SORCS1: variants seen among roughly 807,000 people sequenced by gnomAD.
SORCS1 encodes the protein VPS10 domain-containing receptor SorCS1.
In SORCS1, 60 loss-of-function variants were observed where a neutral mutation model predicts 146.1. That is an observed-to-expected ratio of 0.41 (90% CI 0.33 to 0.51). The LOEUF is 0.51. SORCS1 is among the 20% of genes least tolerant of loss of function. The probability of loss-of-function intolerance (pLI) is 0.21; values close to 1 mark genes in which losing one functional copy is unlikely to be tolerated. For synonymous variants in SORCS1, 637 were observed against 584.0 expected (o/e 1.09, Z -1.31); for missense variants, 1,352 against 1,487.6 (o/e 0.91, Z 1.50).
intron 22 of SORCS1, among the ~76,000 whole-genome samples, chr10:106,610,413 A>G (rs1846898464): frequency 6.6e-6 from 1 of 152,070 alleles, no homozygotes; most frequent in Non-Finnish European, 1.5e-5. Flanking sequence ...TCAACATCGT[A>G]AGCTTATTTG....
chr10:106,818,842 T>C (rs1225141691), intron 3 of SORCS1, among the ~76,000 whole-genome samples: 3 of 152,158 alleles, frequency 2.0e-5, no homozygotes, highest in East Asian at 3.9e-4. Flanking sequence ...CCCTTCTCCT[T>C]TGACAAATAT....
At chr10:106,989,750 G>T (rs532150492) in intron 1 of SORCS1, among the ~76,000 whole-genome samples, 2 of 138,812 alleles carry the variant, frequency 1.4e-5, no homozygotes, top group South Asian at 2.2e-4. Flanking sequence ...GCAGTGGCGC[G>T]ATCTCGGTTC....
At chr10:106,989,755 C>T (rs1362446400) in intron 1 of SORCS1, among the ~76,000 whole-genome samples, 1 of 141,130 alleles carries the variant, frequency 7.1e-6, no homozygotes, top group Admixed American at 7.1e-5. Context: ...GGCGCGATCT[C>T]GGTTCACTGC....
At chr10:106,762,295 T>C (rs1859175892) in intron 4 of SORCS1, among the ~76,000 whole-genome samples, 1 of 152,120 alleles carries the variant, frequency 6.6e-6, no homozygotes, top group Non-Finnish European at 1.5e-5. Context: ...AGCTTATCTA[T>C]GTAAGCTTAT....
At position 106,728,855 on chromosome 10, in the gene SORCS1, A is replaced by T. The variant is rs114934772; in HGVS notation, c.1024+1195T>A. On this transcript the variant is annotated intron_variant, in intron 6 of 25. Transcript: ENST00000263054. ...CTGGGCCAGCGCTGGGTAGCCTACA[A>T]CAGCCTCATTGCTCTGTGGTAATTG... Among the ~76,000 whole-genome samples the T allele has an allele frequency of 7.6e-3, 1,150 of 152,298 alleles. 14 individuals carry two copies. Among genetic ancestry groups the T allele is most frequent in the African/African-American group, 0.025 (1,059 of 41,560 alleles).
At chr10:106,907,294 T>C (rs1164561388) in intron 2 of SORCS1, among the ~76,000 whole-genome samples, 1 of 152,218 alleles carries the variant, frequency 6.6e-6, no homozygotes, top group Admixed American at 6.5e-5. Context: ...ACATACCCAT[T>C]AAATATTGTG....
intron 1 of SORCS1, among the ~76,000 whole-genome samples, chr10:107,038,233 C>A (rs1958990223): frequency 1.3e-5 from 2 of 152,158 alleles, no homozygotes; most frequent in African/African-American, 4.8e-5. Context: ...GCTTCATAAG[C>A]TTCCCTAGAT....
chr10:106,954,336 G>A (rs1217197382), intron 2 of SORCS1, among the ~76,000 whole-genome samples: 3 of 152,222 alleles, frequency 2.0e-5, no homozygotes, highest in African/African-American at 4.8e-5. Context: ...TATCAGGGAA[G>A]TATGAAGTTG....
At chr10:106,828,698 G>A (rs148016699) in intron 3 of SORCS1, among the ~76,000 whole-genome samples, 122 of 152,242 alleles carry the variant, frequency 8.0e-4, no homozygotes, top group African/African-American at 2.8e-3. Context: ...TCAGAATTTG[G>A]AATTTGATAA....
At chr10:106,855,725 C>A (rs182002290) in intron 2 of SORCS1, among the ~76,000 whole-genome samples, 162 of 152,262 alleles carry the variant, frequency 1.1e-3, no homozygotes, top group African/African-American at 3.8e-3. Flanking sequence ...TCTTCTTGAT[C>A]TTTTCTTAGA....
At chr10:106,738,248 T>C (rs1857106408) in intron 5 of SORCS1, among the ~76,000 whole-genome samples, 1 of 152,226 alleles carries the variant, frequency 6.6e-6, no homozygotes, top group South Asian at 2.1e-4. Context: ...AAGATGTATA[T>C]ATGCGATTGT....
intron 1 of SORCS1, among the ~76,000 whole-genome samples, chr10:107,035,608 G>A (rs77862783): frequency 0.022 from 3,351 of 152,238 alleles, 49 homozygotes; most frequent in Middle Eastern, 0.037. Flanking sequence ...ATGAGGCATA[G>A]GGCTCACTAA....
At chr10:106,739,557 C>T (rs1335059304) in intron 5 of SORCS1, among the ~76,000 whole-genome samples, 1 of 151,730 alleles carries the variant, frequency 6.6e-6, no homozygotes, top group Admixed American at 6.6e-5. Flanking sequence ...GCCTGTAATC[C>T]CAGCACTTTG....
At chr10:106,850,306 C>T (rs975657415) in intron 2 of SORCS1, among the ~76,000 whole-genome samples, 2 of 152,090 alleles carry the variant, frequency 1.3e-5, no homozygotes, top group East Asian at 1.9e-4. Flanking sequence ...TGTTTTAAGC[C>T]GGTCTGAAAA....
intron 9 of SORCS1, among the ~76,000 whole-genome samples, chr10:106,695,270 G>A (rs77520378): frequency 0.016 from 2,407 of 152,202 alleles, 37 homozygotes; most frequent in Non-Finnish European, 0.025. Flanking sequence ...GATAGGTCTC[G>A]GGCAATCAAA....
chr10:106,832,180 GC>G (rs1948577170), intron 2 of SORCS1, among the ~76,000 whole-genome samples: 2 of 119,510 alleles, frequency 1.7e-5, no homozygotes, highest in Admixed American at 8.3e-5. Context: ...CTTTGTTTTC[GC>G]TTTTTTTTTT....
At chr10:107,014,253 C>CAAAAAAT (rs1957800560) in intron 1 of SORCS1, among the ~76,000 whole-genome samples, 1 of 79,360 alleles carries the variant, frequency 1.3e-5, no homozygotes, top group African/African-American at 6.3e-5. Context: ...GACCCTGCGT[C>CAAAAAAT]AAAAAAAAAA....
At chr10:107,152,465 A>G (rs1645777191) in intron 1 of SORCS1, among the ~76,000 whole-genome samples, 1 of 152,114 alleles carries the variant, frequency 6.6e-6, no homozygotes, top group South Asian at 2.1e-4. Context: ...AGCTACAGAC[A>G]CTCAATGCCA....
chr10:106,922,700 T>C (rs1952770497), intron 2 of SORCS1, among the ~76,000 whole-genome samples: 1 of 152,040 alleles, frequency 6.6e-6, no homozygotes, highest in East Asian at 1.9e-4. Context: ...CCTATTATTA[T>C]CGCCCAAATC....
Sources: allele counts gnomAD v4.1 joint callset (sites outside exome capture counted in the v4.1 genomes callset), GRCh38; gene constraint gnomAD v4.1.1; transcripts MANE v1.5; gene names NCBI Gene and HGNC (gene_info 2026-07-23, HGNC 2026-07-21).